MACF1: variants seen among roughly 807,000 people sequenced by gnomAD.
MACF1 encodes microtubule actin crosslinking factor 1.
MACF1 carries 193 observed loss-of-function variants against 854.8 expected under a neutral mutation model. The observed-to-expected ratio is 0.23, with a 90% CI of 0.20 to 0.25. MACF1 has a LOEUF of 0.25. Ranked by LOEUF, MACF1 falls within the 10% of genes least tolerant of loss-of-function variation. The pLI is 1.00. For missense variants in MACF1, 7,722 were observed against 8,929.1 expected (o/e 0.86, Z 5.45); for synonymous variants, 3,185 against 3,226.7 (o/e 0.99, Z 0.44).
chr1:39,300,345 G>A lies in MACF1; in HGVS notation c.2617G>A (p.Asp873Asn), dbSNP rs777288980. The A allele has an allele frequency of 1.2e-6, 2 of 1,613,958 alleles. No individual in the cohort carries two copies. Among genetic ancestry groups the A allele is most frequent in the Admixed American group, 3.3e-5 (2 of 59,994 alleles). ...CACCATTTCTGTCAAGGCTGTCTGT[G>A]ACTACAGGCAGATCGAGGTGAGGAG... ...KNTISVKAVC[D>N]YRQIEITICK... The change falls in exon 22 of 101, where the codon GAC (aspartate) becomes AAC (asparagine). Residue 873 changes from aspartate (D) to asparagine (N), a missense_variant. Transcript: ENST00000564288.
intron 3 of MACF1, 28 bp downstream of exon 3, chr1:39,250,131 C>G (rs1208448038): frequency 6.8e-7 from 1 of 1,471,518 alleles, no homozygotes; most frequent in Non-Finnish European, 9.5e-7. Flanking sequence ...AATGGCCTCA[C>G]AATTGTGGCC....
chr1:39,392,050 A>T (rs1642055848), intron 58 of MACF1, among the ~76,000 whole-genome samples: 1 of 152,200 alleles, frequency 6.6e-6, no homozygotes, highest in African/African-American at 2.4e-5. Context: ...CCATAAAATG[A>T]TCAGTATCCA....
At chr1:39,194,351 C>CTTT (rs749853544) in intron 2 of MACF1, among the ~76,000 whole-genome samples, 37 of 35,506 alleles carry the variant, frequency 1.0e-3, no homozygotes, top group African/African-American at 3.4e-3. Flanking sequence ...CTTTTCTTTT[C>CTTT]TTTTTTTTTT....
At chr1:39,214,516 T>C (rs1644552701) in intron 1 of MACF1, among the ~76,000 whole-genome samples, 1 of 152,206 alleles carries the variant, frequency 6.6e-6, no homozygotes, top group Non-Finnish European at 1.5e-5. Flanking sequence ...AAGGGGACTT[T>C]GGAATGCCAT....
intron 2 of MACF1, among the ~76,000 whole-genome samples, chr1:39,191,219 A>T (rs1644252395): frequency 7.4e-6 from 1 of 135,734 alleles, no homozygotes; most frequent in African/African-American, 3.0e-5. Context: ...TTTTTTTTTT[A>T]ACCTAGCAGT....
chr1:39,397,880 A>G (rs1265771212), intron 58 of MACF1, among the ~76,000 whole-genome samples: 3 of 152,242 alleles, frequency 2.0e-5, no homozygotes, highest in Admixed American at 6.5e-5. Flanking sequence ...TTACAGTGGT[A>G]CTGATGTAGT....
intron 88 of MACF1, 37 bp from the exon 89 acceptor site, chr1:39,454,872 G>T: frequency 6.4e-7 from 1 of 1,574,056 alleles, no homozygotes; most frequent in South Asian, 1.2e-5. Context: ...GGGTATGCTT[G>T]ACTGAAAGAG....
chr1:39,444,656 T>A lies in MACF1; in HGVS notation c.19432-6T>A, dbSNP rs636704. The A allele has an allele frequency of 6.2e-7, 1 of 1,604,704 alleles. No homozygotes were observed. Among genetic ancestry groups the A allele is most frequent in the Admixed American group, 1.7e-5 (1 of 59,010 alleles). ...GAATTGATATCTTTCCTGCCTTTTC[T>A]TGTAGGAACTCTATTCCCAGCTGAA... is the stretch of plus-strand genomic sequence containing the variant. On this transcript the variant is annotated splice_region_variant and splice_polypyrimidine_tract_variant and intron_variant, in intron 79 of 100. Transcript: ENST00000564288.
chr1:39,408,373 G>A (rs1642796846), intron 58 of MACF1, among the ~76,000 whole-genome samples: 1 of 152,136 alleles, frequency 6.6e-6, no homozygotes, highest in East Asian at 1.9e-4. Context: ...TGGGACACCG[G>A]GAAAGTGCCG....
In MACF1 at chr1:39,204,912, C is replaced by A; in HGVS notation, c.-111C>A. ...AGTTTCTGACAACACTAAGCTCCGGCCTCTGCCTCTGCTGATAGTACAGGA... is the reference window on the plus strand; with the variant it reads ...AGTTTCTGACAACACTAAGCTCCGGACTCTGCCTCTGCTGATAGTACAGGA... On this transcript the variant is annotated 5_prime_UTR_variant, in exon 1 of 101. Transcript: ENST00000564288. 1.6e-6 allele frequency: 1 copy of A among 641,982 alleles called. No homozygotes were observed. Among genetic ancestry groups the A allele is most frequent in the Non-Finnish European group, 2.8e-6 (1 of 357,206 alleles). The allele number at this position is 641,982 out of a possible 1,614,324, so 39.8% of individuals were successfully genotyped here.
At chr1:39,312,230 T>G (rs1043596766) in intron 26 of MACF1, among the ~76,000 whole-genome samples, 4 of 152,070 alleles carry the variant, frequency 2.6e-5, no homozygotes, top group African/African-American at 9.7e-5. Context: ...AAGATACATA[T>G]ATACATACAT....
At chr1:39,393,938 G>A (rs1243895655) in intron 58 of MACF1, among the ~76,000 whole-genome samples, 4 of 152,122 alleles carry the variant, frequency 2.6e-5, no homozygotes, top group Middle Eastern at 3.4e-3. Context: ...ACGAACGAAC[G>A]AACAATGGGA....
intron 35 of MACF1, among the ~76,000 whole-genome samples, chr1:39,324,969 A>AT (rs1191523308): frequency 2.0e-5 from 3 of 152,226 alleles, no homozygotes; most frequent in Non-Finnish European, 4.4e-5. Flanking sequence ...TGAAGAAAGG[A>AT]TTGACATGTG....
intron 56 of MACF1, among the ~76,000 whole-genome samples, chr1:39,384,824 T>C (rs1569829318): frequency 6.6e-6 from 1 of 152,214 alleles, no homozygotes; most frequent in East Asian, 1.9e-4. Context: ...GCAAAGCAGA[T>C]GAATGCCAAC....
chr1:39,252,317 C>T (rs77323341), intron 4 of MACF1, among the ~76,000 whole-genome samples: 1 of 152,302 alleles, frequency 6.6e-6, no homozygotes, highest in East Asian at 1.9e-4. Flanking sequence ...TTGCTCACAA[C>T]TCCACAGTCT....
chr1:39,100,726 C>T (rs1262183987), intron 2 of MACF1, among the ~76,000 whole-genome samples: 2 of 151,706 alleles, frequency 1.3e-5, no homozygotes, highest in Non-Finnish European at 2.9e-5. Context: ...TGGTGGCAGG[C>T]GCCTGTAATC....
intron 2 of MACF1, among the ~76,000 whole-genome samples, chr1:39,106,934 G>A (rs918654036): frequency 3.3e-5 from 5 of 151,868 alleles, no homozygotes; most frequent in African/African-American, 1.2e-4. Flanking sequence ...CCTGTAAACT[G>A]TCCAGCTTTT....
rs1219113837 is a variant in MACF1, at chr1:39,334,750, T to C, written c.8162T>C (p.Ile2721Thr). Residue 2721 changes from isoleucine to threonine, a missense_variant, in exon 37 of 101, where the codon ATT becomes ACT. Transcript: ENST00000564288. The stretch of plus-strand genomic sequence containing the variant: ...GTGGATGAAAACATGGTCAGAATTA[T>C]TGCATCTCATCAGGTGTTAAATGGA... ...KLVDENMVRIIASHQVLNGGI... is the reference protein window; with the variant it reads ...KLVDENMVRITASHQVLNGGI... The C allele has an allele frequency of 3.7e-6, 6 of 1,614,040 alleles. No individual in the cohort carries two copies. Among genetic ancestry groups the C allele is most frequent in the East Asian group, 4.5e-5 (2 of 44,892 alleles).
chr1:39,132,742 T>C (rs1236393273), intron 2 of MACF1, among the ~76,000 whole-genome samples: 2 of 152,170 alleles, frequency 1.3e-5, no homozygotes, highest in Admixed American at 6.6e-5. Flanking sequence ...TTGATGACTA[T>C]AAAACATTTG....
Sources: gnomAD v4.1 joint callset for allele counts (sites outside exome capture counted in the v4.1 genomes callset) on GRCh38, gnomAD v4.1.1 for gene constraint, MANE v1.5 for transcripts, NCBI Gene and HGNC (gene_info 2026-07-23, HGNC 2026-07-21) for gene names.